FREM2: variants seen among roughly 807,000 people sequenced by gnomAD.
The protein encoded by FREM2 is FRAS1-related extracellular matrix protein 2.
FREM2 carries 119 observed loss-of-function variants against 219.9 expected under a neutral mutation model. That is an observed-to-expected ratio of 0.54 (90% CI 0.47 to 0.63). The LOEUF (loss-of-function observed/expected upper bound fraction) is 0.63. Among genes scored for constraint, FREM2 ranks in the 30% least tolerant of loss-of-function variants. The pLI is 0.00. For missense variants in FREM2, 4,030 were observed against 3,993.6 expected (o/e 1.01, Z -0.25); for synonymous variants, 1,562 against 1,522.8 (o/e 1.03, Z -0.60).
intron 6 of FREM2, among the ~76,000 whole-genome samples, chr13:38,838,919 G>T (rs572918123): frequency 4.1e-4 from 62 of 152,120 alleles, no homozygotes; most frequent in Non-Finnish European, 7.6e-4. Flanking sequence ...CCTTTATCTC[G>T]GAGGAGTTTG....
In FREM2 at chr13:38,803,754, A is replaced by G. The variant is rs1404697459; in HGVS notation, c.6019+18946A>G. The stretch of plus-strand genomic sequence containing the variant: ...CCCTGCAAAAATTACCATACTAGAT[A>G]TAAGCCAGGCACATGTAAAAGGCAA... On this transcript the variant is annotated intron_variant, in intron 6 of 23. Transcript: ENST00000280481. 2.0e-5 allele frequency among the ~76,000 whole-genome samples: 3 copies of G among 149,674 alleles called. No homozygotes were observed. The East Asian group carries it at 5.9e-4, about 29-fold the overall frequency.
intron 6 of FREM2, among the ~76,000 whole-genome samples, chr13:38,802,827 G>T (rs577284118): frequency 6.6e-6 from 1 of 152,148 alleles, no homozygotes; most frequent in Non-Finnish European, 1.5e-5. Flanking sequence ...CATATAGGTC[G>T]AGGGGTCTCC....
intron 6 of FREM2, among the ~76,000 whole-genome samples, chr13:38,792,605 T>C (rs894060816): frequency 5.9e-5 from 9 of 152,206 alleles, no homozygotes; most frequent in African/African-American, 1.9e-4. Flanking sequence ...TTAAACCTTA[T>C]TATATGTATG....
chr13:38,880,211 C>A lies in FREM2; in HGVS notation c.9007-73C>A, dbSNP rs566009648. ...TTATTAATATCTCTGCCATTAATTT[C>A]TCTTGCAAAGAGTCGTGGATTAGAT... On this transcript the variant is annotated intron_variant, in intron 23 of 23. Transcript: ENST00000280481. 10 of 1,439,882 alleles carry A rather than the reference C, an allele frequency of 6.9e-6. No homozygotes were observed. In the African/African-American group the frequency reaches 1.3e-4, roughly 18 times the overall value. The allele number at this position is 1,439,882 out of a possible 1,614,324, so 89.2% of individuals were successfully genotyped here. A position where few individuals can be genotyped will look rare whatever the true frequency, so the allele number is the denominator to read the frequency against.
intron 6 of FREM2, among the ~76,000 whole-genome samples, chr13:38,838,099 G>T (rs1019428604): frequency 1.3e-5 from 2 of 152,112 alleles, no homozygotes; most frequent in African/African-American, 4.8e-5. Context: ...GGCTGGTACT[G>T]GTTTTTCCTT....
At chr13:38,744,545 G>T (rs1044863587) in intron 2 of FREM2, among the ~76,000 whole-genome samples, 1 of 152,036 alleles carries the variant, frequency 6.6e-6, no homozygotes, top group Admixed American at 6.6e-5. Context: ...AGGCTGGAGC[G>T]CAGTGGCGTG....
At chr13:38,698,957 A>G (rs754440758) in intron 2 of FREM2, among the ~76,000 whole-genome samples, 1 of 152,174 alleles carries the variant, frequency 6.6e-6, no homozygotes, top group Non-Finnish European at 1.5e-5. Context: ...TAACCAAATC[A>G]TAGTTTAGTA....
chr13:38,772,785 C>T (rs1466952149), intron 4 of FREM2, among the ~76,000 whole-genome samples: 1 of 151,750 alleles, frequency 6.6e-6, no homozygotes, highest in Non-Finnish European at 1.5e-5. Context: ...CAACCTTCGC[C>T]TCCTGGGTTC....
In FREM2 at chr13:38,691,147, A is replaced by G; in HGVS notation, c.3803A>G (p.Asp1268Gly). ...AGTTCCAGCATTATTTATGAGCATG[A>G]TGACTCCGAGACCCAGGAAGACAGT... ...IESSSIIYEH[D>G]DSETQEDSFV... The change falls in exon 1 of 24, where the codon GAT (aspartate) becomes GGT (glycine). Residue 1268 changes from aspartate to glycine, a missense_variant. By Grantham distance (94) the Asp-to-Gly change is moderately conservative. Transcript: ENST00000280481. 6.2e-7 allele frequency: 1 copy of G among 1,614,140 alleles called. No individual in the cohort carries two copies. Among genetic ancestry groups the G allele is most frequent in the Non-Finnish European group, 8.5e-7 (1 of 1,180,020 alleles).
At chr13:38,752,904 G>A (rs1353870718) in intron 2 of FREM2, among the ~76,000 whole-genome samples, 1 of 152,178 alleles carries the variant, frequency 6.6e-6, no homozygotes, top group East Asian at 1.9e-4. Context: ...CTCCTTTGGG[G>A]TGCGGGGAGA....
Position 38,687,786 on chromosome 13 carries a change from C to T in FREM2, c.442C>T (p.Arg148Trp). 1 of 1,538,100 alleles carries T rather than the reference C, an allele frequency of 6.5e-7. No homozygotes were observed. Among genetic ancestry groups the T allele is most frequent in the Non-Finnish European group, 8.8e-7 (1 of 1,138,400 alleles). ...YSHLGARSPS[R>W]DRVRLQLRYD... ...TCACCTGGGCGCGCGCAGCCCGTCT[C>T]GGGACCGCGTCCGGCTGCAGCTGCG... The change falls in exon 1 of 24, where the codon CGG (arginine) becomes TGG (tryptophan). Residue 148 changes from arginine (R) to tryptophan (W), a missense_variant. Around this residue, in one of 2 missense-constraint regions of FREM2, gnomAD observed 3,102 missense variants for 2,950.7 expected, o/e 1.05. Transcript: ENST00000280481.
chr13:38,836,592 T>C (rs1244967338), intron 6 of FREM2, among the ~76,000 whole-genome samples: 2 of 152,198 alleles, frequency 1.3e-5, no homozygotes, highest in African/African-American at 2.4e-5. Flanking sequence ...TTTTGGTTTG[T>C]AGGCTATTAA....
intron 6 of FREM2, among the ~76,000 whole-genome samples, chr13:38,825,466 A>C (rs571919479): frequency 6.6e-6 from 1 of 152,248 alleles, no homozygotes; most frequent in South Asian, 2.1e-4. Context: ...ATATTCACAG[A>C]ATATCAAACA....
chr13:38,760,859 A>T (rs146100726), intron 2 of FREM2, among the ~76,000 whole-genome samples: 400 of 152,202 alleles, frequency 2.6e-3, no homozygotes, highest in African/African-American at 9.3e-3. Flanking sequence ...TATATATAGG[A>T]TATAAGATTT....
chr13:38,794,873 A>G (rs567253736), intron 6 of FREM2, among the ~76,000 whole-genome samples: 14 of 152,244 alleles, frequency 9.2e-5, no homozygotes, highest in African/African-American at 2.6e-4. Flanking sequence ...CCACTTTACT[A>G]TATACTAAGG....
rs1211446365 is a variant in FREM2, at chr13:38,886,589, G to T, written c.*5802G>T. The T allele has an allele frequency of 6.6e-6, 1 of 152,066 alleles. No homozygotes were observed. The highest frequency in any genetic ancestry group is 1.9e-4 in the East Asian group (1 of 5,188). The allele number at this position is 152,066 out of a possible 1,614,324, so 9.4% of individuals were successfully genotyped here. A position where few individuals can be genotyped will look rare whatever the true frequency, so the allele number is the denominator to read the frequency against. On this transcript the variant is annotated 3_prime_UTR_variant, in exon 24 of 24. Coordinates refer to ENST00000280481, the MANE Select transcript of FREM2 (RefSeq NM_207361.6). ...GTTTTTGTATTTTTAGTAGAGACAG[G>T]GTTTCTCCATGTTGGTCAGGCTGAT...
chr13:38,804,547 T>A (rs1191660401), intron 6 of FREM2, among the ~76,000 whole-genome samples: 1 of 152,104 alleles, frequency 6.6e-6, no homozygotes, highest in Non-Finnish European at 1.5e-5. Flanking sequence ...ACTTAAAATC[T>A]GTTTGAAAGG....
intron 2 of FREM2, among the ~76,000 whole-genome samples, chr13:38,750,418 G>A (rs1411389600): frequency 6.6e-6 from 1 of 151,158 alleles, no homozygotes; most frequent in Non-Finnish European, 1.5e-5. Context: ...TTAGTATAAC[G>A]ACTTCCAGTA....
chr13:38,728,404 A>G (rs1238747597), intron 2 of FREM2, among the ~76,000 whole-genome samples: 2 of 151,874 alleles, frequency 1.3e-5, no homozygotes, highest in African/African-American at 4.8e-5. Flanking sequence ...AGGGATCCCC[A>G]CACTATTATT....
Sources: allele counts gnomAD v4.1 joint callset (sites outside exome capture counted in the v4.1 genomes callset), GRCh38; gene constraint gnomAD v4.1.1; regional missense constraint gnomAD v4.1.1; transcripts MANE v1.5; gene names NCBI Gene and HGNC (gene_info 2026-07-23, HGNC 2026-07-21).